SKIC2: variants seen among roughly 807,000 people sequenced by gnomAD.
The protein encoded by SKIC2 is SKI2 subunit of superkiller complex.
the SKIC2 span, chr6:31,965,780 C>G: frequency 6.3e-7 from 1 of 1,575,032 alleles, no homozygotes; most frequent in Admixed American, 1.7e-5. The surrounding 1 kb of genome is among the most constrained non-coding windows in gnomAD (Gnocchi z 5.6). Context: ...TCCTCTGTCC[C>G]AGGTCTTGTT....
At chr6:31,963,821 A>G in the SKIC2 span, 1 of 1,482,316 alleles carries the variant, frequency 6.7e-7, no homozygotes, top group South Asian at 1.2e-5. The surrounding 1 kb of genome is among the most constrained non-coding windows in gnomAD (Gnocchi z 5.3). Flanking sequence ...TTTTGACTTG[A>G]GCTTTGAGCA....
the SKIC2 span, chr6:31,968,616 A>G: frequency 6.4e-7 from 1 of 1,553,292 alleles, no homozygotes; most frequent in Non-Finnish European, 8.9e-7. The surrounding 1 kb of genome is among the most constrained non-coding windows in gnomAD (Gnocchi z 6.1). Context: ...GACCGCCCCC[A>G]TCTCAGCCCT....
chr6:31,963,183 G>A, the SKIC2 span: 24 of 979,358 alleles, frequency 2.5e-5, no homozygotes, highest in Admixed American at 6.0e-5. This position sits in a 1 kb window ranked among gnomAD's most constrained non-coding sequence, Gnocchi z 5.3. Flanking sequence ...CAAGGAGAGC[G>A]GTCAGGCCTT....
At chr6:31,962,902 C>G in the SKIC2 span, 2 of 1,322,060 alleles carry the variant, frequency 1.5e-6, no homozygotes, top group Non-Finnish European at 2.2e-6. This position sits in a 1 kb window ranked among gnomAD's most constrained non-coding sequence, Gnocchi z 5.0. Flanking sequence ...CTTTCTTTAC[C>G]CCCATATGGA....
chr6:31,968,064 G>A, the SKIC2 span: 1 of 1,612,990 alleles, frequency 6.2e-7, no homozygotes, highest in Non-Finnish European at 8.5e-7. The surrounding 1 kb of genome is among the most constrained non-coding windows in gnomAD (Gnocchi z 6.1). Context: ...TTCAGCAAGA[G>A]GCAGCAGCCA....
chr6:31,967,541 C>T, the SKIC2 span, among the ~76,000 whole-genome samples: 1 of 152,108 alleles, frequency 6.6e-6, no homozygotes, highest in Admixed American at 6.5e-5. This position sits in a 1 kb window ranked among gnomAD's most constrained non-coding sequence, Gnocchi z 4.9. Flanking sequence ...ATGCTCACTC[C>T]TTCCTCCCAC....
At chr6:31,964,404 G>T in the SKIC2 span, 1 of 1,264,040 alleles carries the variant, frequency 7.9e-7, no homozygotes, top group Non-Finnish European at 1.1e-6. The surrounding 1 kb of genome is among the most constrained non-coding windows in gnomAD (Gnocchi z 5.0). Flanking sequence ...GGGCTGCCCA[G>T]AGGGCAGAGG....
the SKIC2 span, chr6:31,969,296 G>A: frequency 8.1e-6 from 13 of 1,614,072 alleles, no homozygotes; most frequent in Non-Finnish European, 1.1e-5. The surrounding 1 kb of genome is among the most constrained non-coding windows in gnomAD (Gnocchi z 6.1). Flanking sequence ...GAACGTGTCC[G>A]GGCTGTGGCC....
At chr6:31,968,272 G>C in the SKIC2 span, 5 of 1,506,494 alleles carry the variant, frequency 3.3e-6, no homozygotes, top group South Asian at 5.7e-5. The surrounding 1 kb of genome is among the most constrained non-coding windows in gnomAD (Gnocchi z 6.1). Context: ...GCCTGAGGGA[G>C]GCTTCTGGGG....
chr6:31,962,707 T>A, the SKIC2 span: 3 of 1,612,498 alleles, frequency 1.9e-6, no homozygotes, highest in Non-Finnish European at 1.7e-6. The surrounding 1 kb of genome is among the most constrained non-coding windows in gnomAD (Gnocchi z 5.0). Context: ...TGGCCTCTTC[T>A]CCCCAGCTCC....
the SKIC2 span, chr6:31,968,973 A>G: frequency 1.1e-5 from 18 of 1,612,738 alleles, no homozygotes; most frequent in Non-Finnish European, 1.4e-5. This position sits in a 1 kb window ranked among gnomAD's most constrained non-coding sequence, Gnocchi z 6.1. Flanking sequence ...CACTGAGCTC[A>G]TGTTTGACAA....
chr6:31,967,182 A>G, the SKIC2 span: 3 of 1,607,568 alleles, frequency 1.9e-6, no homozygotes, highest in Non-Finnish European at 2.6e-6. This position sits in a 1 kb window ranked among gnomAD's most constrained non-coding sequence, Gnocchi z 4.9. Flanking sequence ...AGGAGAAGGG[A>G]AGAGAAGATC....
the SKIC2 span, chr6:31,967,763 G>T: frequency 1.9e-6 from 3 of 1,613,024 alleles, no homozygotes; most frequent in Non-Finnish European, 2.5e-6. This position sits in a 1 kb window ranked among gnomAD's most constrained non-coding sequence, Gnocchi z 4.9. Context: ...GGTCTTGTGT[G>T]ATAAGCCCTT....
At chr6:31,963,888 C>T in the SKIC2 span, 30 of 1,588,794 alleles carry the variant, frequency 1.9e-5, no homozygotes, top group Non-Finnish European at 2.0e-5. This position sits in a 1 kb window ranked among gnomAD's most constrained non-coding sequence, Gnocchi z 5.3. Context: ...ACCTCTGCTC[C>T]TTCCCCTTCC....
the SKIC2 span, chr6:31,961,892 ATT>A: frequency 1.5e-5 from 24 of 1,612,340 alleles, no homozygotes; most frequent in Middle Eastern, 1.7e-4. Flanking sequence ...GCTCCTGTCT[ATT>A]TCTCTCTCCC....
chr6:31,967,980 A>G, the SKIC2 span: 1 of 1,613,120 alleles, frequency 6.2e-7, no homozygotes, highest in East Asian at 2.2e-5. The surrounding 1 kb of genome is among the most constrained non-coding windows in gnomAD (Gnocchi z 4.9). Flanking sequence ...ACCGTGGTCA[A>G]GCTCCAGCCA....
chr6:31,960,989 A>G, the SKIC2 span: 1 of 1,300,678 alleles, frequency 7.7e-7, no homozygotes, highest in Non-Finnish European at 1.1e-6. Context: ...TATAATGTAC[A>G]CAATTTGTTC....
chr6:31,961,707 A>C, the SKIC2 span: 2 of 1,600,342 alleles, frequency 1.2e-6, no homozygotes, highest in Non-Finnish European at 1.7e-6. Flanking sequence ...ACGCTCCTCT[A>C]CCTCTTTCTG....
At chr6:31,963,722 G>C in the SKIC2 span, 1 of 1,542,842 alleles carries the variant, frequency 6.5e-7, no homozygotes. This position sits in a 1 kb window ranked among gnomAD's most constrained non-coding sequence, Gnocchi z 5.3. Flanking sequence ...ACATCAGGGG[G>C]GCCCTGCACA....
Sources: gnomAD v4.1 joint callset for allele counts (sites outside exome capture counted in the v4.1 genomes callset) on GRCh38, gnomAD v4.1.1 for gene constraint, Gnocchi (gnomAD v3.1) non-coding constraint, MANE v1.5 for transcripts, NCBI Gene and HGNC (gene_info 2026-07-23, HGNC 2026-07-21) for gene names.